The following CFAP206 variants were observed in gnomAD, a reference collection of about 807,000 sequenced individuals.
CFAP206 encodes cilia and flagella associated protein 206, also known as cilia- and flagella-associated protein 206.
A neutral mutation model predicts 65.4 loss-of-function variants in CFAP206; 53 were observed. The ratio of observed to expected loss-of-function variants is 0.81; its 90% CI spans 0.65 to 1.02. The LOEUF is 1.02. Among genes scored for constraint, CFAP206 ranks in the 50% least tolerant of loss-of-function variants. The pLI is 0.00. For synonymous variants in CFAP206, 250 were observed against 254.4 expected (o/e 0.98, Z 0.17); for missense variants, 663 against 753.2 (o/e 0.88, Z 1.40).
intron 11 of CFAP206, among the ~76,000 whole-genome samples, chr6:87,437,005 C>G (rs1161712899): frequency 6.6e-6 from 1 of 152,052 alleles, no homozygotes; most frequent in Non-Finnish European, 1.5e-5. Flanking sequence ...GAGTCTTGCT[C>G]TGTTGCCCAG....
chr6:87,434,826 G>A, intron 10 of CFAP206, 34 bp from the exon 11 acceptor site: 6 of 1,137,130 alleles, frequency 5.3e-6, no homozygotes, highest in Non-Finnish European at 7.4e-6. Context: ...AAGTGATCAA[G>A]ACATTTCATA....
chr6:87,441,796 G>C (rs777114317), intron 11 of CFAP206: 5 of 251,844 alleles, frequency 2.0e-5, no homozygotes, highest in African/African-American at 4.6e-5. Context: ...TGGTGAGAAG[G>C]CTTCATGAAA....
chr6:87,429,042 A>G (rs974085323), intron 9 of CFAP206, among the ~76,000 whole-genome samples: 6 of 152,122 alleles, frequency 3.9e-5, no homozygotes, highest in South Asian at 2.1e-4. Flanking sequence ...GGAGTTCGAC[A>G]TGGCAAAACT....
At chr6:87,463,907 A>T in intron 12 of CFAP206, 113 bp from the exon 13 acceptor site, 1 of 691,036 alleles carries the variant, frequency 1.4e-6, no homozygotes, top group Non-Finnish European at 2.3e-6. Flanking sequence ...TTATGGAATT[A>T]ATTTCTTGTG....
At chr6:87,409,026 T>C (rs75561502) in intron 1 of CFAP206, among the ~76,000 whole-genome samples, 35 of 127,712 alleles carry the variant, frequency 2.7e-4, no homozygotes, top group Non-Finnish European at 4.3e-4. Flanking sequence ...AAATGCTTTT[T>C]TTTATCGAGA....
At chr6:87,461,584 A>G (rs994091765) in intron 12 of CFAP206, among the ~76,000 whole-genome samples, 2 of 152,056 alleles carry the variant, frequency 1.3e-5, no homozygotes, top group Admixed American at 1.3e-4. Flanking sequence ...CCTTAATTAC[A>G]ATATAGATAC....
chr6:87,454,183 G>T (rs1161809746), intron 11 of CFAP206, among the ~76,000 whole-genome samples: 2 of 152,094 alleles, frequency 1.3e-5, no homozygotes, highest in African/African-American at 4.8e-5. Flanking sequence ...TCAGCAAGAG[G>T]ATTTAATAGT....
At chr6:87,437,814 A>G (rs907213818) in intron 11 of CFAP206, among the ~76,000 whole-genome samples, 35 of 143,296 alleles carry the variant, frequency 2.4e-4, no homozygotes, top group African/African-American at 8.6e-4. Context: ...TGCACCAACC[A>G]TGCCTGGCTA....
intron 10 of CFAP206, among the ~76,000 whole-genome samples, chr6:87,433,666 T>TA (rs1163343292): frequency 6.6e-6 from 1 of 152,236 alleles, no homozygotes; most frequent in Non-Finnish European, 1.5e-5. Context: ...AAAGTATTTT[T>TA]ACATAAAATA....
At chr6:87,460,358 TA>T (rs1768724969) in intron 11 of CFAP206, among the ~76,000 whole-genome samples, 1 of 152,216 alleles carries the variant, frequency 6.6e-6, no homozygotes, top group Non-Finnish European at 1.5e-5. Flanking sequence ...ACATATGTCT[TA>T]AAGAGGTTTT....
At chr6:87,459,818 A>G (rs1281236683) in intron 11 of CFAP206, among the ~76,000 whole-genome samples, 1 of 152,188 alleles carries the variant, frequency 6.6e-6, no homozygotes, top group Non-Finnish European at 1.5e-5. Flanking sequence ...GTATGTGGAT[A>G]ATGCCTCGTT....
Position 87,428,685 on chromosome 6 carries a change from T to C in CFAP206, c.1020T>C (p.Val340=). 6.2e-7 allele frequency: 1 copy of C among 1,614,194 alleles called. No individual in the cohort carries two copies. Among genetic ancestry groups the C allele is most frequent in the Non-Finnish European group, 8.5e-7 (1 of 1,180,030 alleles). The change falls in exon 9 of 13, where the codon GTT becomes GTC. Residue 340 remains valine (V), a synonymous_variant. Transcript: ENST00000369562. ...WTSLQDETIV[V]GVLSNLFTHI... ...GCTTGCAAGACGAAACTATTGTGGTTGGTGTCCTCAGTAATTTATTCACTC... is the reference window on the plus strand; with the variant it reads ...GCTTGCAAGACGAAACTATTGTGGTCGGTGTCCTCAGTAATTTATTCACTC...
chr6:87,463,190 C>T (rs892051961), intron 12 of CFAP206, among the ~76,000 whole-genome samples: 4 of 152,166 alleles, frequency 2.6e-5, no homozygotes, highest in Middle Eastern at 3.2e-3. Flanking sequence ...TGACACATCT[C>T]TCAGGTACTA....
At chr6:87,412,806 G>A (rs1265952492) in intron 3 of CFAP206, among the ~76,000 whole-genome samples, 1 of 152,080 alleles carries the variant, frequency 6.6e-6, no homozygotes, top group Admixed American at 6.5e-5. Flanking sequence ...GACTACAGGT[G>A]TGTGCCACCA....
intron 11 of CFAP206, chr6:87,444,805 G>T: frequency 1.8e-6 from 1 of 544,094 alleles, no homozygotes; most frequent in Non-Finnish European, 3.6e-6. Context: ...TTTCAGCATT[G>T]TGCTAGCATC....
intron 11 of CFAP206, among the ~76,000 whole-genome samples, 171 bp from the exon 12 acceptor site, chr6:87,460,851 A>G (rs1025464870): frequency 2.6e-5 from 4 of 152,208 alleles, no homozygotes; most frequent in African/African-American, 9.6e-5. Context: ...AAACAATTAT[A>G]TTCAGCTCAT....
intron 12 of CFAP206, among the ~76,000 whole-genome samples, chr6:87,463,606 A>G (rs1047422760): frequency 6.6e-6 from 1 of 152,198 alleles, no homozygotes; most frequent in Non-Finnish European, 1.5e-5. Flanking sequence ...TTTATGTTAA[A>G]AATCTAGGGT....
rs1768740086 is a variant in CFAP206, at chr6:87,461,154, G to A, written c.1627G>A (p.Ala543Thr). ...GAATGAATGGGAATTAAGAAGAAAA[G>A]CTATAAAATTGGTTTGTAACAATAC... is the stretch of plus-strand genomic sequence containing the variant. ...EWNEWELRRKAIKLANLRQKV... is the reference protein window; with the variant it reads ...EWNEWELRRKTIKLANLRQKV... The change falls in exon 12 of 13, where the codon GCT (alanine) becomes ACT (threonine). Residue 543 changes from alanine to threonine, a missense_variant. Ala to Thr is a moderately conservative substitution (Grantham distance 58). Transcript: ENST00000369562. 6.4e-7 allele frequency: 1 copy of A among 1,552,198 alleles called. No homozygotes were observed. Among genetic ancestry groups the A allele is most frequent in the Admixed American group, 2.2e-5 (1 of 45,428 alleles).
intron 11 of CFAP206, among the ~76,000 whole-genome samples, chr6:87,457,883 A>G (rs781166527): frequency 2.0e-5 from 3 of 152,208 alleles, no homozygotes; most frequent in Admixed American, 6.5e-5. Flanking sequence ...TGAAGAGACA[A>G]CTCACAGAAT....
Sources: gnomAD v4.1 joint callset for allele counts (sites outside exome capture counted in the v4.1 genomes callset) on GRCh38, gnomAD v4.1.1 for gene constraint, MANE v1.5 for transcripts, NCBI Gene and HGNC (gene_info 2026-07-23, HGNC 2026-07-21) for gene names.